CDH13: variants seen among roughly 807,000 people sequenced by gnomAD.
CDH13 encodes the protein cadherin-13.
Under a neutral mutation model 63.8 loss-of-function variants are expected in CDH13, and 24 were observed. The observed-to-expected ratio is 0.38, with a 90% confidence interval of 0.27 to 0.53. The LOEUF (loss-of-function observed/expected upper bound fraction) is 0.53, where lower values mean the gene tolerates loss of function less well. Ranked by LOEUF, CDH13 falls within the 20% of genes least tolerant of loss-of-function variation. CDH13 has a pLI of 0.85. For synonymous variants in CDH13, 503 were observed against 355.3 expected (o/e 1.42, Z -4.67); for missense variants, 1,049 against 903.1 (o/e 1.16, Z -2.07).
At chr16:83,084,320 TTTTG>T (rs1255198792) in intron 3 of CDH13, among the ~76,000 whole-genome samples, 25 of 152,064 alleles carry the variant, frequency 1.6e-4, no homozygotes, top group Non-Finnish European at 1.3e-4. Context: ...GGTCAGGAGT[TTTTG>T]TTTGTCTCTT....
At chr16:83,688,289 G>A (rs865887819) in intron 10 of CDH13, among the ~76,000 whole-genome samples, 7 of 152,266 alleles carry the variant, frequency 4.6e-5, no homozygotes, top group Middle Eastern at 3.4e-3. Context: ...GCAAAAATCA[G>A]CTCTCTTGAA....
chr16:82,942,125 G>T (rs2151310091), intron 2 of CDH13, among the ~76,000 whole-genome samples: 1 of 152,156 alleles, frequency 6.6e-6, no homozygotes, highest in Non-Finnish European at 1.5e-5. Context: ...ATACCCCAAG[G>T]TCACAGACAT....
chr16:83,447,305 C>G (rs1218306699), intron 6 of CDH13, among the ~76,000 whole-genome samples: 2 of 151,518 alleles, frequency 1.3e-5, no homozygotes, highest in African/African-American at 4.8e-5. Flanking sequence ...ATCCCAGCTA[C>G]TCAGGAGGCC....
chr16:82,705,122 C>T (rs967247998), intron 1 of CDH13: 13 of 455,706 alleles, frequency 2.9e-5, no homozygotes, highest in East Asian at 7.0e-5. Flanking sequence ...AAATAAAGCC[C>T]GAGATAGTAA....
intron 8 of CDH13, among the ~76,000 whole-genome samples, chr16:83,611,933 A>T (rs545430707): frequency 6.6e-6 from 1 of 152,226 alleles, no homozygotes; most frequent in African/African-American, 2.4e-5. Context: ...TTACAAGCTC[A>T]CATGTAATCA....
At chr16:83,700,575 A>C (rs1257832483) in intron 10 of CDH13, among the ~76,000 whole-genome samples, 1 of 152,218 alleles carries the variant, frequency 6.6e-6, no homozygotes, top group Non-Finnish European at 1.5e-5. Flanking sequence ...AACTGCTAAA[A>C]AGTTGCAACA....
rs189388587 is a variant in CDH13, at chr16:83,619,097, G to A, written c.1101+16503G>A. Among the ~76,000 whole-genome samples, 567 of 152,318 alleles carry A rather than the reference G, an allele frequency of 3.7e-3. 4 individuals carry two copies. Among genetic ancestry groups the A allele is most frequent in the Non-Finnish European group, 7.1e-3 (481 of 68,036 alleles). ...GTGTGCCTGCGTTTGTGTATCACACGTGATAACGTTATGCTGTCGCTTTCC... is the reference window on the plus strand; with the variant it reads ...GTGTGCCTGCGTTTGTGTATCACACATGATAACGTTATGCTGTCGCTTTCC... On this transcript the variant is annotated intron_variant, in intron 8 of 13. Transcript: ENST00000567109.
chr16:83,408,471 T>C lies in CDH13; in HGVS notation c.781+63465T>C, dbSNP rs958501823. 2.0e-5 allele frequency among the ~76,000 whole-genome samples: 3 copies of C among 152,218 alleles called. No individual in the cohort carries two copies. In the East Asian group the frequency reaches 5.8e-4, roughly 29 times the overall value. The stretch of plus-strand genomic sequence containing the variant: ...CTAGGCTACAAACCTGTACGGCTGT[T>C]ACTCTATTGAATACTGTAAACAATT... On this transcript the variant is annotated intron_variant, in intron 6 of 13. Transcript: ENST00000567109.
At position 82,644,183 on chromosome 16, in the gene CDH13, T is replaced by G. The variant is rs1005267012; in HGVS notation, c.45+17046T>G. Among the ~76,000 whole-genome samples, 1 of 152,174 alleles carries G rather than the reference T, an allele frequency of 6.6e-6. No individual in the cohort carries two copies. Among genetic ancestry groups the G allele is most frequent in the East Asian group, 1.9e-4 (1 of 5,182 alleles). ...GATTTACCCAAATTAACATGAATGT[T>G]TGGCACCCTTTGGCTGGTGCGGCTG... On this transcript the variant is annotated intron_variant, in intron 1 of 13. Transcript: ENST00000567109. The surrounding 1 kb of genome is among the most constrained non-coding windows in gnomAD (Gnocchi z 5.7).
chr16:83,657,827 C>A (rs925345762), intron 8 of CDH13, among the ~76,000 whole-genome samples: 1 of 152,154 alleles, frequency 6.6e-6, no homozygotes, highest in African/African-American at 2.4e-5. Flanking sequence ...ATGTCCTCAC[C>A]AGCAAGGTCC....
At chr16:83,102,917 T>TTTTCTTTTTCTTTTC (rs2034557531) in intron 3 of CDH13, among the ~76,000 whole-genome samples, 2 of 123,266 alleles carry the variant, frequency 1.6e-5, no homozygotes, top group African/African-American at 6.5e-5. Context: ...CTTTCTTTTT[T>TTTTCTTTTTCTTTTC]TTTTTTCTTT....
chr16:83,264,985 C>T (rs970082582), intron 5 of CDH13, among the ~76,000 whole-genome samples: 1 of 151,950 alleles, frequency 6.6e-6, no homozygotes, highest in African/African-American at 2.4e-5. Context: ...TCTTTGTCAC[C>T]TATCATTTTG....
chr16:83,123,268 A>C (rs1297548590), intron 3 of CDH13, among the ~76,000 whole-genome samples: 2 of 151,738 alleles, frequency 1.3e-5, no homozygotes, highest in African/African-American at 4.8e-5. Context: ...ATATATATAT[A>C]TATCCCACAT....
intron 7 of CDH13, among the ~76,000 whole-genome samples, chr16:83,591,564 C>T (rs933441741): frequency 1.1e-4 from 16 of 152,124 alleles, no homozygotes; most frequent in African/African-American, 2.9e-4. Context: ...ACTCCAGGCA[C>T]GCTGGTGGCC....
intron 1 of CDH13, among the ~76,000 whole-genome samples, chr16:82,671,434 C>T (rs948268356): frequency 6.6e-6 from 1 of 152,154 alleles, no homozygotes; most frequent in African/African-American, 2.4e-5. Flanking sequence ...ATTCCTTAAG[C>T]AAAATCACAT....
chr16:83,518,087 G>T (rs781118945), intron 7 of CDH13, among the ~76,000 whole-genome samples: 84 of 152,266 alleles, frequency 5.5e-4, no homozygotes, highest in Non-Finnish European at 1.0e-3. Context: ...TATCATGGGG[G>T]TGGTTAACCT....
chr16:83,107,642 G>A (rs1040543196), intron 3 of CDH13, among the ~76,000 whole-genome samples: 1 of 151,974 alleles, frequency 6.6e-6, no homozygotes, highest in Non-Finnish European at 1.5e-5. Flanking sequence ...GAGAGGCTGA[G>A]GAACTGAAAA....
At chr16:83,243,020 A>G (rs1019831790) in intron 5 of CDH13, among the ~76,000 whole-genome samples, 3 of 152,100 alleles carry the variant, frequency 2.0e-5, no homozygotes, top group Admixed American at 6.6e-5. Flanking sequence ...TGTTGAGGAA[A>G]CTGCAGGATT....
rs539153495 is a variant in CDH13 at position 83,126,680 on chromosome 16, T to G, written c.483+1179T>G. On this transcript the variant is annotated intron_variant, in intron 4 of 13. Coordinates refer to ENST00000567109, the MANE Select transcript of CDH13 (RefSeq NM_001257.5). ...ACAAGGGAGTCAGAAATTAAACGTT[T>G]GAAAAGGAACTTACTGTATCAGACA... Among the ~76,000 whole-genome samples the G allele has an allele frequency of 3.3e-5, 5 of 152,280 alleles. No individual in the cohort carries two copies. The East Asian group carries it at 5.8e-4, about 18-fold the overall frequency.
Sources: allele counts gnomAD v4.1 joint callset (sites outside exome capture counted in the v4.1 genomes callset), GRCh38; gene constraint gnomAD v4.1.1; non-coding constraint Gnocchi (gnomAD v3.1); transcripts MANE v1.5; gene names NCBI Gene and HGNC (gene_info 2026-07-23, HGNC 2026-07-21).